The following TESK2 variants were observed in gnomAD, a reference collection of about 807,000 sequenced individuals.
TESK2 encodes testis associated actin remodelling kinase 2.
Under a neutral mutation model 57.1 loss-of-function variants are expected in TESK2, and 39 were observed. That is an observed-to-expected ratio of 0.68 (90% CI 0.53 to 0.89). The LOEUF (loss-of-function observed/expected upper bound fraction) is 0.89. TESK2 is among the 40% of genes least tolerant of loss of function. The probability of loss-of-function intolerance (pLI) is 0.00; values close to 1 mark genes in which losing one functional copy is unlikely to be tolerated. For synonymous variants in TESK2, 249 were observed against 267.9 expected (o/e 0.93, Z 0.69); for missense variants, 646 against 732.1 (o/e 0.88, Z 1.36).
chr1:45,362,733 A>G (rs758612687), intron 4 of TESK2, among the ~76,000 whole-genome samples: 1 of 152,226 alleles, frequency 6.6e-6, no homozygotes, highest in Non-Finnish European at 1.5e-5. Flanking sequence ...AATTAGCAAC[A>G]TGGTACTGAG....
chr1:45,384,093 T>C (rs1443175210), intron 4 of TESK2, among the ~76,000 whole-genome samples: 1 of 152,184 alleles, frequency 6.6e-6, no homozygotes. Flanking sequence ...GGCACTGTAC[T>C]AAATAAGTAT....
chr1:45,486,782 T>TATACACACACACACACAC (rs1653493093), intron 1 of TESK2, among the ~76,000 whole-genome samples: 1 of 115,890 alleles, frequency 8.6e-6, no homozygotes, highest in African/African-American at 3.8e-5. Context: ...CCTCCCAGCA[T>TATACACACACACACACAC]ACACACACAC....
intron 2 of TESK2, among the ~76,000 whole-genome samples, chr1:45,442,307 A>T (rs540953225): frequency 1.2e-3 from 183 of 150,200 alleles, no homozygotes; most frequent in South Asian, 2.7e-3. Context: ...TTTTTTTTTT[A>T]AATTTACATT....
At chr1:45,380,814 C>CA (rs1286563367) in intron 4 of TESK2, among the ~76,000 whole-genome samples, 1 of 152,148 alleles carries the variant, frequency 6.6e-6, no homozygotes, top group East Asian at 1.9e-4. Flanking sequence ...CTAATACACC[C>CA]AATGACCAGG....
chr1:45,389,972 G>A (rs1016517140), intron 3 of TESK2, among the ~76,000 whole-genome samples: 4 of 151,974 alleles, frequency 2.6e-5, no homozygotes, highest in African/African-American at 9.7e-5. Context: ...CCCTTCAATG[G>A]TTCCCTTCTG....
At chr1:45,473,543 A>G (rs970327460) in intron 1 of TESK2, among the ~76,000 whole-genome samples, 2 of 152,218 alleles carry the variant, frequency 1.3e-5, no homozygotes, top group Non-Finnish European at 2.9e-5. Context: ...CAGAAGGCAG[A>G]GTCAGCCTGG....
intron 4 of TESK2, among the ~76,000 whole-genome samples, chr1:45,365,298 G>C (rs1337946058): frequency 6.6e-6 from 1 of 152,018 alleles, no homozygotes; most frequent in Admixed American, 6.6e-5. Flanking sequence ...GGTTCACCAG[G>C]GCCTGCCTGA....
At chr1:45,391,104 G>C (rs1465130798) in intron 3 of TESK2, among the ~76,000 whole-genome samples, 1 of 151,558 alleles carries the variant, frequency 6.6e-6, no homozygotes, top group East Asian at 1.9e-4. Flanking sequence ...TTTTAGTAGA[G>C]ATGGGGTTTC....
At chr1:45,463,282 G>C (rs1368161706) in intron 1 of TESK2, among the ~76,000 whole-genome samples, 1 of 152,036 alleles carries the variant, frequency 6.6e-6, no homozygotes, top group Non-Finnish European at 1.5e-5. Context: ...CTGTACTTTG[G>C]GGATATTACT....
chr1:45,346,672 C>G (rs747911201), intron 9 of TESK2, 21 bp downstream of exon 9: 1 of 1,604,530 alleles, frequency 6.2e-7, no homozygotes, highest in East Asian at 2.2e-5. Context: ...TGATGAAAGG[C>G]AGAGGGAGAA....
intron 1 of TESK2, among the ~76,000 whole-genome samples, chr1:45,479,501 G>A (rs1019631413): frequency 4.0e-5 from 6 of 150,720 alleles, no homozygotes; most frequent in African/African-American, 7.3e-5. Flanking sequence ...GCTCAATCTC[G>A]ACTCACTGCA....
At chr1:45,400,220 G>A (rs1649543112) in intron 3 of TESK2, among the ~76,000 whole-genome samples, 1 of 152,168 alleles carries the variant, frequency 6.6e-6, no homozygotes, top group Admixed American at 6.5e-5. Context: ...TGCAATGTGA[G>A]AAAGACTCAT....
At chr1:45,422,242 CA>C (rs1285536284) in intron 2 of TESK2, among the ~76,000 whole-genome samples, 2 of 152,082 alleles carry the variant, frequency 1.3e-5, no homozygotes, top group African/African-American at 4.8e-5. Flanking sequence ...CACATGGACA[CA>C]GAGAGGGAAA....
intron 1 of TESK2, among the ~76,000 whole-genome samples, chr1:45,460,192 C>T (rs1275379067): frequency 2.0e-5 from 3 of 151,764 alleles, no homozygotes; most frequent in Non-Finnish European, 4.4e-5. Context: ...ACACATACCT[C>T]CTGAATCTAA....
Position 45,346,995 on chromosome 1 carries a change from T to C in TESK2, c.776A>G (p.Tyr259Cys), listed in dbSNP as rs760597513. ...GCAGCTCACCTCTGTGCGGGGAAGA[T>C]AGTCCGGATCGGCCTGGATGCGGGC... ...IIARIQADPD[Y>C]LPRTENFGLD... is the part of the protein sequence containing the mutation. Residue 259 changes from tyrosine (Y) to cysteine (C), a missense_variant, in exon 8 of 11, where the codon TAT (tyrosine) becomes TGT (cysteine). Tyr to Cys is a radical substitution (Grantham distance 194). Transcript: ENST00000372086. The C allele has an allele frequency of 1.4e-5, 23 of 1,614,084 alleles. No individual in the cohort carries two copies. Among genetic ancestry groups the C allele is most frequent in the Middle Eastern group, 1.6e-4 (1 of 6,084 alleles).
chr1:45,472,985 A>AT (rs995814854), intron 1 of TESK2, among the ~76,000 whole-genome samples: 2 of 151,350 alleles, frequency 1.3e-5, no homozygotes, highest in African/African-American at 4.8e-5. Context: ...AAAAAAAAAA[A>AT]AAAAAAAAAT....
chr1:45,478,967 G>T (rs1557589561), intron 1 of TESK2, among the ~76,000 whole-genome samples: 1 of 152,094 alleles, frequency 6.6e-6, no homozygotes, highest in South Asian at 2.1e-4. Context: ...CACATAATCC[G>T]CCTGTCTCAG....
intron 1 of TESK2, among the ~76,000 whole-genome samples, chr1:45,482,228 C>T (rs191178972): frequency 1.1e-3 from 170 of 152,248 alleles, no homozygotes; most frequent in Non-Finnish European, 1.8e-3. Context: ...AAGGTCATGA[C>T]ATTATACGAA....
intron 3 of TESK2, among the ~76,000 whole-genome samples, chr1:45,408,992 T>C (rs188149097): frequency 6.6e-6 from 1 of 152,204 alleles, no homozygotes; most frequent in African/African-American, 2.4e-5. Flanking sequence ...TAAAAGACTT[T>C]GAATAGCCCT....
Sources: allele counts gnomAD v4.1 joint callset (sites outside exome capture counted in the v4.1 genomes callset), GRCh38; gene constraint gnomAD v4.1.1; transcripts MANE v1.5; gene names NCBI Gene and HGNC (gene_info 2026-07-23, HGNC 2026-07-21).